Variants in SAMD3 observed in about 807,000 individuals in gnomAD.
SAMD3 encodes the protein sterile alpha motif domain containing 3, also known as sterile alpha motif domain-containing protein 3.
SAMD3 carries 63 observed loss-of-function variants against 58.5 expected under a neutral mutation model. That is an observed-to-expected ratio of 1.08 (90% CI 0.88 to 1.33). SAMD3 has a LOEUF of 1.33. Among genes scored for constraint, SAMD3 ranks in the 40% most tolerant of loss-of-function variants. The pLI, the probability that SAMD3 is intolerant of heterozygous loss-of-function variation, is 0.00. For synonymous variants in SAMD3, 220 were observed against 210.3 expected, an observed-to-expected ratio of 1.05 and a Z score of -0.40; for missense variants, 604 against 608.4, an observed-to-expected ratio of 0.99 and a Z score of 0.08.
chr6:130,215,320 C>T, intron 2 of SAMD3, 26 bp from the exon 3 acceptor site: 1 of 1,449,880 alleles, frequency 6.9e-7, no homozygotes, highest in Non-Finnish European at 9.4e-7. Flanking sequence ...TCAGAGAATT[C>T]TCCAGCTTTT....
At chr6:130,332,801 G>A (rs1186787232) in intron 1 of SAMD3, among the ~76,000 whole-genome samples, 1 of 152,246 alleles carries the variant, frequency 6.6e-6, no homozygotes, top group East Asian at 1.9e-4. Context: ...GGCTGTTTGT[G>A]GTTGTTTTAT....
At chr6:130,217,797 G>A (rs2114856540) in intron 1 of SAMD3, among the ~76,000 whole-genome samples, 1 of 152,252 alleles carries the variant, frequency 6.6e-6, no homozygotes, top group Middle Eastern at 3.4e-3. Context: ...TTCCTCTGAA[G>A]TCCAAAAGCT....
At chr6:130,193,344 G>A (rs1012608341) in intron 5 of SAMD3, among the ~76,000 whole-genome samples, 8 of 151,750 alleles carry the variant, frequency 5.3e-5, no homozygotes, top group Non-Finnish European at 7.4e-5. Flanking sequence ...TCTGCTCCCC[G>A]ATCCCTTATT....
chr6:130,194,798 C>T (rs764586024), intron 5 of SAMD3, among the ~76,000 whole-genome samples: 11 of 152,204 alleles, frequency 7.2e-5, no homozygotes, highest in Non-Finnish European at 1.2e-4. Flanking sequence ...CAGATCTTCT[C>T]GGCTTAGCAG....
intron 2 of SAMD3, among the ~76,000 whole-genome samples, chr6:130,229,957 A>C (rs1025479347): frequency 6.6e-6 from 1 of 152,250 alleles, no homozygotes; most frequent in Non-Finnish European, 1.5e-5. Context: ...CAGCTGGAGA[A>C]ATTATTTTTC....
chr6:130,154,734 T>A, intron 9 of SAMD3, 91 bp downstream of exon 9: 1 of 209,754 alleles, frequency 4.8e-6, no homozygotes, highest in Non-Finnish European at 8.6e-6. Context: ...TATATATATA[T>A]ATATATATGT....
At chr6:130,261,514 T>C (rs1583020742) in intron 2 of SAMD3, among the ~76,000 whole-genome samples, 1 of 152,214 alleles carries the variant, frequency 6.6e-6, no homozygotes, top group Non-Finnish European at 1.5e-5. Context: ...ACTCTGATTT[T>C]GGTTTTGATT....
intron 1 of SAMD3, among the ~76,000 whole-genome samples, chr6:130,331,298 T>A (rs1776924967): frequency 6.6e-6 from 1 of 152,128 alleles, no homozygotes. Flanking sequence ...AAAACAAGTA[T>A]AAAGGAGAAG....
intron 2 of SAMD3, among the ~76,000 whole-genome samples, chr6:130,252,343 C>G (rs1240916270): frequency 6.6e-6 from 1 of 151,924 alleles, no homozygotes; most frequent in Non-Finnish European, 1.5e-5. Flanking sequence ...AAGCTTTTTT[C>G]TCTATTTTAA....
At chr6:130,146,246 G>A in intron 9 of SAMD3, 65 bp from the exon 10 acceptor site, 1 of 1,033,644 alleles carries the variant, frequency 9.7e-7, no homozygotes, top group Admixed American at 2.9e-5. Flanking sequence ...AGAATGTAAA[G>A]ACATAAAACC....
intron 1 of SAMD3, among the ~76,000 whole-genome samples, chr6:130,340,303 C>T (rs1442418438): frequency 2.0e-5 from 3 of 152,162 alleles, no homozygotes; most frequent in Admixed American, 6.6e-5. Context: ...GTTTCCTTGC[C>T]TTTTTCTGAA....
intron 2 of SAMD3, among the ~76,000 whole-genome samples, chr6:130,245,148 G>A (rs1310698722): frequency 1.3e-5 from 2 of 152,146 alleles, no homozygotes; most frequent in East Asian, 1.9e-4. Flanking sequence ...CTACAGCCAC[G>A]GCACTGCCAT....
chr6:130,327,075 T>C (rs1776783164), intron 1 of SAMD3, among the ~76,000 whole-genome samples: 1 of 152,230 alleles, frequency 6.6e-6, no homozygotes, highest in Non-Finnish European at 1.5e-5. Context: ...TCCCAGTATG[T>C]ACCTCATAAA....
intron 8 of SAMD3, among the ~76,000 whole-genome samples, chr6:130,159,274 C>T (rs1210916766): frequency 6.6e-6 from 1 of 152,138 alleles, no homozygotes; most frequent in Non-Finnish European, 1.5e-5. Flanking sequence ...TGTTGCCATC[C>T]ACAGAAGATG....
intron 2 of SAMD3, among the ~76,000 whole-genome samples, chr6:130,252,292 G>T (rs1391922002): frequency 2.6e-5 from 4 of 151,878 alleles, no homozygotes; most frequent in Non-Finnish European, 5.9e-5. Context: ...TTGCATTTTG[G>T]ATCTAAAGTG....
At chr6:130,348,564 C>G (rs1777538335) in intron 1 of SAMD3, among the ~76,000 whole-genome samples, 1 of 152,086 alleles carries the variant, frequency 6.6e-6, no homozygotes, top group African/African-American at 2.4e-5. Context: ...ACAAGAGCAT[C>G]CAGATTCATA....
chr6:130,214,237 G>A (rs1795829617), intron 4 of SAMD3, 100 bp downstream of exon 4: 8 of 914,014 alleles, frequency 8.8e-6, no homozygotes, highest in Middle Eastern at 2.8e-4. Context: ...AGCTGAAAAC[G>A]GTCACAGTTT....
At chr6:130,344,756 C>CAGAA (rs1168074427) in intron 1 of SAMD3, among the ~76,000 whole-genome samples, 5 of 134,480 alleles carry the variant, frequency 3.7e-5, no homozygotes, top group African/African-American at 1.2e-4. Context: ...GCATATTTTC[C>CAGAA]AGAAAGAAAG....
At chr6:130,327,574 A>C (rs1776796830) in intron 1 of SAMD3, among the ~76,000 whole-genome samples, 1 of 152,190 alleles carries the variant, frequency 6.6e-6, no homozygotes, top group East Asian at 1.9e-4. Context: ...TTATGCATCA[A>C]AAAGGTATCA....
Sources: gnomAD v4.1 joint callset for allele counts (sites outside exome capture counted in the v4.1 genomes callset) on GRCh38, gnomAD v4.1.1 for gene constraint, MANE v1.5 for transcripts, NCBI Gene and HGNC (gene_info 2026-07-23, HGNC 2026-07-21) for gene names.